The following EYS variants were observed in gnomAD, a reference collection of about 807,000 sequenced individuals.
EYS encodes the protein protein eyes shut homolog.
A neutral mutation model predicts 282.1 loss-of-function variants in EYS; 250 were observed. That is an observed-to-expected ratio of 0.89 (90% confidence interval 0.80 to 0.98). The LOEUF is 0.98. Ranked by LOEUF, EYS falls within the 50% of genes least tolerant of loss-of-function variation. The pLI is 0.00. For missense variants in EYS, 4,016 were observed against 3,709.0 expected (o/e 1.08, Z -2.15); for synonymous variants, 1,355 against 1,282.9 (o/e 1.06, Z -1.20).
At chr6:64,408,054 A>G (rs1173814389) in intron 28 of EYS, among the ~76,000 whole-genome samples, 2 of 152,100 alleles carry the variant, frequency 1.3e-5, no homozygotes, top group Admixed American at 1.3e-4. Context: ...TTAAAAGGGA[A>G]TACATAACAG....
chr6:65,000,911 A>G (rs1458661993), intron 13 of EYS, among the ~76,000 whole-genome samples: 2 of 152,238 alleles, frequency 1.3e-5, no homozygotes, highest in Admixed American at 6.5e-5. Context: ...TACTATTGAC[A>G]TGCTAGAGTT....
At position 65,295,933 on chromosome 6, in the gene EYS, G is replaced by T. The variant is rs2150286247; in HGVS notation, c.1953C>A (p.Ser651=). 1.3e-6 allele frequency: 2 copies of T among 1,550,816 alleles called. No homozygotes were observed. The change falls in exon 12 of 43, where the codon TCC becomes TCA. Residue 651 remains serine, a synonymous_variant. Transcript: ENST00000503581. ...GTGTACTAGTTGTTCCATTTTTGCA[G>T]GACGCAGATTTGCAGTCTTCAGTAT... The part of the protein sequence containing the change: ...EIDTEDCKSA[S]CKNGTTSTHL...
chr6:63,959,848 T>C (rs1765978752), intron 35 of EYS, among the ~76,000 whole-genome samples: 1 of 151,826 alleles, frequency 6.6e-6, no homozygotes, highest in Non-Finnish European at 1.5e-5. Context: ...ACACACACCA[T>C]GGCCTGTAGG....
At chr6:64,531,393 GTTT>G (rs5876905) in intron 26 of EYS, among the ~76,000 whole-genome samples, 7 of 118,956 alleles carry the variant, frequency 5.9e-5, no homozygotes, top group Non-Finnish European at 7.7e-5. Flanking sequence ...TTTGTTTTTT[GTTT>G]TTTTTTTTTG....
rs545298960 is a variant in EYS at position 64,727,175 on chromosome 6, C to T, written c.3443+86203G>A. 1.8e-3 allele frequency among the ~76,000 whole-genome samples: 279 copies of T among 152,210 alleles called. 1 individual carries two copies. Among genetic ancestry groups the T allele is most frequent in the African/African-American group, 2.0e-3 (82 of 41,526 alleles). On this transcript the variant is annotated intron_variant, in intron 22 of 42. Transcript: ENST00000503581. ...GCTTGTTTTCATCAAGCTATCGATA[C>T]GCTCTTTAGAAGAAGCCACTCATAA...
At chr6:63,826,846 A>AAAAAAAAAAAAAAAAAAAG (rs1771479540) in intron 36 of EYS, among the ~76,000 whole-genome samples, 5 of 2,592 alleles carry the variant, frequency 1.9e-3, no homozygotes, top group Admixed American at 5.6e-3. Context: ...GTTAAAAAGC[A>AAAAAAAAAAAAAAAAAAAG]AAAAAAAAAA....
At chr6:65,134,607 C>A (rs77499746) in intron 12 of EYS, among the ~76,000 whole-genome samples, 2 of 151,666 alleles carry the variant, frequency 1.3e-5, no homozygotes, top group African/African-American at 4.8e-5. Context: ...TCCTTGAGGG[C>A]GGGGTGTGGG....
At chr6:64,491,106 TAAG>T (rs552210511) in intron 26 of EYS, among the ~76,000 whole-genome samples, 32 of 151,022 alleles carry the variant, frequency 2.1e-4, no homozygotes, top group Middle Eastern at 3.5e-3. Flanking sequence ...TGGATAATAA[TAAG>T]AAGAAGAATA....
At chr6:65,464,249 A>G (rs1285971493) in intron 5 of EYS, among the ~76,000 whole-genome samples, 1 of 152,140 alleles carries the variant, frequency 6.6e-6, no homozygotes, top group South Asian at 2.1e-4. Context: ...TATGAAGCAA[A>G]GAAGACTTTT....
chr6:65,519,508 A>G (rs942621324), intron 2 of EYS, among the ~76,000 whole-genome samples: 3 of 149,760 alleles, frequency 2.0e-5, no homozygotes, highest in Admixed American at 6.7e-5. Context: ...ATGTATATTA[A>G]TCTATAAAGG....
At chr6:65,317,490 AT>A (rs1769324777) in intron 11 of EYS, among the ~76,000 whole-genome samples, 1 of 152,224 alleles carries the variant, frequency 6.6e-6, no homozygotes, top group Non-Finnish European at 1.5e-5. Flanking sequence ...ATTTTATAAA[AT>A]GAATGTCTTT....
rs536061910 is a variant in EYS at position 64,344,892 on chromosome 6, C to T, written c.6079-37810G>A. Among the ~76,000 whole-genome samples, 8 of 151,972 alleles carry T rather than the reference C, an allele frequency of 5.3e-5. No homozygotes were observed. In the East Asian group the frequency reaches 1.5e-3, roughly 29 times the overall value. On this transcript the variant is annotated intron_variant, in intron 29 of 42. Transcript: ENST00000503581. ...CAATGTGCAAAAATCACAAGCACTC[C>T]TATACACCAATAACAGACAAACAGA...
intron 31 of EYS, among the ~76,000 whole-genome samples, chr6:64,156,051 T>C (rs552956041): frequency 2.0e-4 from 30 of 150,830 alleles, no homozygotes; most frequent in Non-Finnish European, 8.9e-5. Context: ...TTTGTGTGTG[T>C]GTATGTGTGT....
In EYS at chr6:64,617,502, A is replaced by C; in HGVS notation, c.3600T>G (p.Leu1200=). Residue 1200 remains leucine (L), a synonymous_variant, in exon 24 of 43, where the codon CTT becomes CTG. Transcript: ENST00000503581. ...GAACACATGAGTTGGGAATGCACTC[A>C]AGCTCATTCTCACAGTGGTGTCCAG... is the stretch of plus-strand genomic sequence containing the variant. ...GWSGHHCENE[L]ECIPNSCVHE... is the part of the protein sequence containing the mutation. 1 of 1,550,572 alleles carries C rather than the reference A, an allele frequency of 6.4e-7. No individual in the cohort carries two copies. Among genetic ancestry groups the C allele is most frequent in the Non-Finnish European group, 8.7e-7 (1 of 1,146,054 alleles).
At chr6:64,031,462 C>T (rs1377066526) in intron 33 of EYS, among the ~76,000 whole-genome samples, 1 of 152,238 alleles carries the variant, frequency 6.6e-6, no homozygotes. Context: ...TCGCCCCCTG[C>T]TTCATGGCAC....
intron 26 of EYS, among the ~76,000 whole-genome samples, chr6:64,575,960 T>A (rs1019365389): frequency 1.3e-5 from 2 of 152,240 alleles, no homozygotes; most frequent in African/African-American, 4.8e-5. Flanking sequence ...AGCCCTATAT[T>A]ATAGATGAGC....
At chr6:64,757,223 C>G (rs897037019) in intron 22 of EYS, among the ~76,000 whole-genome samples, 5 of 152,110 alleles carry the variant, frequency 3.3e-5, no homozygotes, top group Non-Finnish European at 5.9e-5. Context: ...CTTATCATCT[C>G]CCCATAGAGG....
chr6:65,150,880 T>C (rs909162437), intron 12 of EYS, among the ~76,000 whole-genome samples: 13 of 152,022 alleles, frequency 8.6e-5, no homozygotes, highest in Non-Finnish European at 1.9e-4. Context: ...GGTATTTTGG[T>C]GTTCCTCTTT....
chr6:65,594,157 C>T (rs1175488856), intron 2 of EYS, among the ~76,000 whole-genome samples: 1 of 151,916 alleles, frequency 6.6e-6, no homozygotes, highest in Non-Finnish European at 1.5e-5. Flanking sequence ...TTATTATTTA[C>T]TGTGTGATTA....
Sources: allele counts gnomAD v4.1 joint callset (sites outside exome capture counted in the v4.1 genomes callset), GRCh38; gene constraint gnomAD v4.1.1; transcripts MANE v1.5; gene names NCBI Gene and HGNC (gene_info 2026-07-23, HGNC 2026-07-21).